The following CFAP46 variants were observed in gnomAD, a reference collection of about 807,000 sequenced individuals.
CFAP46 encodes cilia- and flagella-associated protein 46.
A neutral mutation model predicts 325.7 loss-of-function variants in CFAP46; 245 were observed. The observed-to-expected ratio is 0.75, with a 90% CI of 0.68 to 0.84. CFAP46 has a LOEUF of 0.84. Ranked by LOEUF, CFAP46 falls within the 40% of genes least tolerant of loss-of-function variation. The pLI, the probability that CFAP46 is intolerant of heterozygous loss-of-function variation, is 0.00. For missense variants in CFAP46, 3,346 were observed against 3,543.0 expected (o/e 0.94, Z 1.41); for synonymous variants, 1,523 against 1,495.9 (o/e 1.02, Z -0.42).
intron 57 of CFAP46, among the ~76,000 whole-genome samples, chr10:132,809,378 G>A (rs1057181821): frequency 2.0e-5 from 3 of 152,206 alleles, no homozygotes; most frequent in African/African-American, 2.4e-5. Context: ...GCATCGTGTG[G>A]GCCCCACACT....
In CFAP46 at chr10:132,924,000, G is replaced by A. The variant is rs527367288; in HGVS notation, c.1256+696C>T. Among the ~76,000 whole-genome samples the A allele has an allele frequency of 3.3e-3, 498 of 152,240 alleles. 2 individuals are homozygous for A. The highest frequency in any genetic ancestry group is 0.011 in the African/African-American group (440 of 41,552). ...TGCAGGAAGGTAGCAGACAGGGAGC[G>A]GGGGCTGAGCCGGCGGACTCAGAGT... On this transcript the variant is annotated intron_variant, in intron 11 of 57. Coordinates refer to ENST00000368586, the MANE Select transcript of CFAP46 (RefSeq NM_001200049.3).
At chr10:132,854,447 C>T (rs1333574649) in intron 39 of CFAP46, among the ~76,000 whole-genome samples, 2 of 152,184 alleles carry the variant, frequency 1.3e-5, no homozygotes, top group African/African-American at 2.4e-5. Flanking sequence ...ACGCCATTCT[C>T]CTGCCTCAGC....
rs1848091140 is a variant in CFAP46, at chr10:132,828,188, G to A, written c.7117+5170C>T. Among the ~76,000 whole-genome samples, 2 of 152,200 alleles carry A rather than the reference G, an allele frequency of 1.3e-5. No individual in the cohort carries two copies. Among genetic ancestry groups the A allele is most frequent in the African/African-American group, 4.8e-5 (2 of 41,448 alleles). On this transcript the variant is annotated intron_variant, in intron 50 of 57. Transcript: ENST00000368586. The surrounding 1 kb of genome is among the most constrained non-coding windows in gnomAD (Gnocchi z 4.9). Reference sequence around the variant, plus strand: ...TGTAAACATGTGTATGAGTTTCTGCGGGACGCGTGTCTCCTTATCTCTTTG... The same window carrying A: ...TGTAAACATGTGTATGAGTTTCTGCAGGACGCGTGTCTCCTTATCTCTTTG...
Position 132,885,448 on chromosome 10 carries a change from G to A in CFAP46, c.3444-162C>T, listed in dbSNP as rs539294349. 1.3e-4 allele frequency among the ~76,000 whole-genome samples: 19 copies of A among 151,960 alleles called. 1 individual carries two copies. In the East Asian group the frequency reaches 1.4e-3, roughly 11 times the overall value. On this transcript the variant is annotated intron_variant, in intron 26 of 57. Coordinates refer to ENST00000368586, the MANE Select transcript of CFAP46 (RefSeq NM_001200049.3). ...CTCGGGGCTACGCGGGGGTCTCGGG[G>A]GTGAGCGGGGGCCTCGGGGCTATGC... is the stretch of plus-strand genomic sequence containing the variant.
chr10:132,881,180 C>T (rs1849037541), intron 27 of CFAP46, 148 bp from the exon 28 acceptor site: 1 of 738,402 alleles, frequency 1.4e-6, no homozygotes, highest in Admixed American at 2.7e-5. Flanking sequence ...TCTAATGAGA[C>T]CAAGTTGCCA....
At chr10:132,898,031 G>C (rs921772689) in intron 24 of CFAP46, among the ~76,000 whole-genome samples, 27 of 152,180 alleles carry the variant, frequency 1.8e-4, no homozygotes, top group African/African-American at 6.5e-4. Flanking sequence ...GGGTTATGCA[G>C]CTCTGCTTCT....
intron 34 of CFAP46, 40 bp downstream of exon 34, chr10:132,867,335 C>G: frequency 6.5e-7 from 1 of 1,532,208 alleles, no homozygotes; most frequent in Non-Finnish European, 8.8e-7. Context: ...CCGGCGCCCG[C>G]TGGGCTGCGG....
chr10:132,814,566 G>A lies in CFAP46; in HGVS notation c.7285+11C>T. 3 of 1,557,818 alleles carry A rather than the reference G, an allele frequency of 1.9e-6. No individual in the cohort carries two copies. The highest frequency in any genetic ancestry group is 2.6e-6 in the Non-Finnish European group (3 of 1,151,266). ...CGTGTGCCTGAACAGGGAGCCCTGT[G>A]CAGCACCCACCTGGGCCCTGGGCCT... On this transcript the variant is annotated intron_variant, in intron 53 of 57. Transcript: ENST00000368586.
In CFAP46 at chr10:132,850,950, A is replaced by G. The variant is rs11146546; in HGVS notation, c.5763+167T>C. Among the ~76,000 whole-genome samples, 1,085 of 152,280 alleles carry G rather than the reference A, an allele frequency of 7.1e-3. 14 individuals carry two copies. Among genetic ancestry groups the G allele is most frequent in the African/African-American group, 0.025 (1,028 of 41,550 alleles). On this transcript the variant is annotated intron_variant, in intron 40 of 57. Transcript: ENST00000368586. ...TTCATGAGCCAATTCAGTCTCCTCAAATGGTGAGACAATGCCCGGGAGCTC... is the reference window on the plus strand; with the variant it reads ...TTCATGAGCCAATTCAGTCTCCTCAGATGGTGAGACAATGCCCGGGAGCTC...
intron 41 of CFAP46, among the ~76,000 whole-genome samples, chr10:132,848,637 C>G (rs752910800): frequency 2.0e-5 from 3 of 152,182 alleles, no homozygotes; most frequent in Non-Finnish European, 2.9e-5. Flanking sequence ...AAGACACACC[C>G]GCAGCGGCAC....
In CFAP46 at chr10:132,886,988, CTT is replaced by C. The variant is rs896670584; in HGVS notation, c.3305-1031_3305-1030del. Among the ~76,000 whole-genome samples the C allele has an allele frequency of 6.6e-6, 1 of 152,084 alleles. No homozygotes were observed. Among genetic ancestry groups the C allele is most frequent in the Non-Finnish European group, 1.5e-5 (1 of 68,020 alleles). On this transcript the variant is annotated intron_variant, in intron 25 of 57. Coordinates refer to ENST00000368586, the MANE Select transcript of CFAP46 (RefSeq NM_001200049.3). The surrounding 1 kb of genome is among the most constrained non-coding windows in gnomAD (Gnocchi z 5.8). ...GGTCAGTGAAGGATCTGTCTTCTCT[CTT>C]TTCTCTTCTCTCTCTCTCGCCTCTC...
At chr10:132,833,924 G>T (rs1848193862) in intron 49 of CFAP46, 117 bp downstream of exon 49, 1 of 881,136 alleles carries the variant, frequency 1.1e-6, no homozygotes, top group Non-Finnish European at 1.8e-6. Flanking sequence ...CAGGGCTTGT[G>T]GGACTCCTGG....
chr10:132,876,703 G>T lies in CFAP46; in HGVS notation c.4362+109C>A. The T allele has an allele frequency of 8.4e-7, 1 of 1,196,872 alleles. No individual in the cohort carries two copies. Among genetic ancestry groups the T allele is most frequent in the Non-Finnish European group, 1.2e-6 (1 of 866,610 alleles). 74.1% of individuals were successfully genotyped at this position (1,196,872 alleles called of 1,614,324 possible). A position where few individuals can be genotyped will look rare whatever the true frequency, so the allele number is the denominator to read the frequency against. On this transcript the variant is annotated intron_variant, in intron 31 of 57. Coordinates refer to ENST00000368586, the MANE Select transcript of CFAP46 (RefSeq NM_001200049.3). The surrounding 1 kb of genome is among the most constrained non-coding windows in gnomAD (Gnocchi z 4.1). The stretch of plus-strand genomic sequence containing the variant: ...CTGGGGGCTGATGGGACTCTGTCCT[G>T]TCCTCCTTTTTCTGGCTACAGTTCA...
chr10:132,935,685 C>T (rs1849988671), intron 7 of CFAP46, among the ~76,000 whole-genome samples: 1 of 133,402 alleles, frequency 7.5e-6, no homozygotes, highest in South Asian at 2.6e-4. Context: ...CCTCACTCCC[C>T]TCACATCCAA....
chr10:132,904,704 C>T (rs1200337031), intron 22 of CFAP46, among the ~76,000 whole-genome samples: 2 of 152,244 alleles, frequency 1.3e-5, no homozygotes, highest in Non-Finnish European at 2.9e-5. Flanking sequence ...TGCAGCAGCA[C>T]TCTGCACCCT....
Position 132,885,092 on chromosome 10 carries a change from C to A in CFAP46, c.3627+11G>T. 1 of 1,538,314 alleles carries A rather than the reference C, an allele frequency of 6.5e-7. No homozygotes were observed. The highest frequency in any genetic ancestry group is 8.8e-7 in the Non-Finnish European group (1 of 1,139,048). ...ATTTTACCACGTGCACCCACGCTTA[C>A]GGCTTCACACCTGCAAGGCCTGGAT... is the stretch of plus-strand genomic sequence containing the variant. On this transcript the variant is annotated intron_variant, in intron 27 of 57. Coordinates refer to ENST00000368586, the MANE Select transcript of CFAP46 (RefSeq NM_001200049.3).
At chr10:132,888,201 C>T (rs111697804) in intron 25 of CFAP46, among the ~76,000 whole-genome samples, 14,375 of 151,750 alleles carry the variant, frequency 0.095, 1,811 homozygotes, top group African/African-American at 0.29. Context: ...GGCACCAATG[C>T]GGGCTCCACC....
At chr10:132,812,332 A>G (rs1194230187) in intron 55 of CFAP46, among the ~76,000 whole-genome samples, 2 of 152,146 alleles carry the variant, frequency 1.3e-5, no homozygotes, top group African/African-American at 4.8e-5. Flanking sequence ...GCAGGACCAC[A>G]CCTGGCAGCC....
rs1462091005 is a variant in CFAP46 at position 132,827,353 on chromosome 10, C to T, written c.7117+6005G>A. Among the ~76,000 whole-genome samples the T allele has an allele frequency of 1.3e-5, 2 of 152,128 alleles. No individual in the cohort carries two copies. The highest frequency in any genetic ancestry group is 2.9e-5 in the Non-Finnish European group (2 of 68,016). ...GCCACGCCGACTGCTGTGGGAGCTC[C>T]TGGGCCTGGAGGAGCCTCCCTGGGA... On this transcript the variant is annotated intron_variant, in intron 50 of 57. Coordinates refer to ENST00000368586, the MANE Select transcript of CFAP46 (RefSeq NM_001200049.3). The surrounding 1 kb of genome is among the most constrained non-coding windows in gnomAD (Gnocchi z 5.7).
Sources: allele counts gnomAD v4.1 joint callset (sites outside exome capture counted in the v4.1 genomes callset), GRCh38; gene constraint gnomAD v4.1.1; non-coding constraint Gnocchi (gnomAD v3.1); transcripts MANE v1.5; gene names NCBI Gene and HGNC (gene_info 2026-07-23, HGNC 2026-07-21).